Variants in CSMD1 observed in about 807,000 individuals in gnomAD.
CSMD1 encodes CUB and sushi domain-containing protein 1.
CSMD1 carries 213 observed loss-of-function variants against 417.5 expected under a neutral mutation model. The observed-to-expected ratio is 0.51, with a 90% CI of 0.46 to 0.57. CSMD1 has a LOEUF of 0.57. CSMD1 is among the 20% of genes least tolerant of loss of function. The pLI, the probability that CSMD1 is intolerant of heterozygous loss-of-function variation, is 0.00. For synonymous variants in CSMD1, 2,862 were observed against 1,736.8 expected, an observed-to-expected ratio of 1.65 and a Z score of -16.11; for missense variants, 6,923 against 4,529.7, an observed-to-expected ratio of 1.53 and a Z score of -15.17.
intron 23 of CSMD1, among the ~76,000 whole-genome samples, chr8:3,338,267 G>T (rs771062112): frequency 6.6e-6 from 1 of 152,186 alleles, no homozygotes. Context: ...TATGCCCAGG[G>T]AGTGGCTTAG....
intron 3 of CSMD1, among the ~76,000 whole-genome samples, chr8:4,157,767 G>C (rs117700184): frequency 6.6e-6 from 1 of 152,152 alleles, no homozygotes; most frequent in Non-Finnish European, 1.5e-5. Context: ...GACCTGCCTG[G>C]TCCAGCGTTC....
Position 4,193,205 on chromosome 8 carries a change from G to A in CSMD1, c.416-161106C>T, listed in dbSNP as rs180958469. 2.9e-3 allele frequency among the ~76,000 whole-genome samples: 435 copies of A among 152,026 alleles called. 2 individuals carry two copies. Among genetic ancestry groups the A allele is most frequent in the African/African-American group, 1.0e-2 (413 of 41,502 alleles). ...GCTCTTTGGAGTCATAAGCAGGGCT[G>A]AAAGCAAAGTTGTAGCTGCCACAAA... On this transcript the variant is annotated intron_variant, in intron 3 of 69. Coordinates refer to ENST00000635120, the MANE Select transcript of CSMD1 (RefSeq NM_033225.6).
intron 5 of CSMD1, among the ~76,000 whole-genome samples, chr8:3,988,533 C>A (rs780341865): frequency 6.6e-6 from 1 of 152,220 alleles, no homozygotes; most frequent in Non-Finnish European, 1.5e-5. Flanking sequence ...AACAGAGAAT[C>A]TCTGGACTCA....
intron 59 of CSMD1, among the ~76,000 whole-genome samples, chr8:2,964,287 G>A (rs546956267): frequency 6.6e-6 from 1 of 152,308 alleles, no homozygotes; most frequent in East Asian, 1.9e-4. Flanking sequence ...CCAAAAGTTG[G>A]AAATGGGTCC....
In CSMD1 at chr8:3,969,558, C is replaced by T. The variant is rs553316012; in HGVS notation, c.818+28345G>A. 2.0e-5 allele frequency among the ~76,000 whole-genome samples: 3 copies of T among 152,190 alleles called. No homozygotes were observed. In the South Asian group the frequency reaches 6.2e-4, roughly 32 times the overall value. On this transcript the variant is annotated intron_variant, in intron 5 of 69. Transcript: ENST00000635120. ...TGTAAAATGAAAATAAAATCCACAT[C>T]AGAAAATAGGTGACGGCATAATTGA...
intron 2 of CSMD1, among the ~76,000 whole-genome samples, chr8:4,505,799 G>T (rs569321586): frequency 6.6e-6 from 1 of 151,210 alleles, no homozygotes; most frequent in South Asian, 2.1e-4. Flanking sequence ...CCACACTCAT[G>T]TTCAATATTT....
At chr8:3,775,535 G>C (rs1040208282) in intron 5 of CSMD1, among the ~76,000 whole-genome samples, 8 of 152,152 alleles carry the variant, frequency 5.3e-5, no homozygotes, top group Admixed American at 3.3e-4. Flanking sequence ...ATTAAAAGCA[G>C]GGAGAACTTT....
chr8:2,953,364 T>C (rs1802766427), intron 65 of CSMD1, among the ~76,000 whole-genome samples: 1 of 151,966 alleles, frequency 6.6e-6, no homozygotes, highest in African/African-American at 2.4e-5. Context: ...TATTTTTCCT[T>C]GTCTAAGAAT....
intron 5 of CSMD1, among the ~76,000 whole-genome samples, chr8:3,755,973 T>C (rs1017631908): frequency 1.3e-5 from 2 of 152,104 alleles, no homozygotes; most frequent in Non-Finnish European, 2.9e-5. Flanking sequence ...CATACTTATT[T>C]GCCTAATACG....
At chr8:4,258,248 T>G (rs1803601461) in intron 3 of CSMD1, among the ~76,000 whole-genome samples, 1 of 141,804 alleles carries the variant, frequency 7.1e-6, no homozygotes, top group African/African-American at 2.7e-5. Flanking sequence ...CCCTACCCCT[T>G]CCTATCTTAA....
At chr8:4,468,514 A>G (rs1434772995) in intron 2 of CSMD1, among the ~76,000 whole-genome samples, 5 of 152,084 alleles carry the variant, frequency 3.3e-5, no homozygotes, top group African/African-American at 1.2e-4. Context: ...GTACTTTTCT[A>G]TTTCTTCTTA....
At chr8:4,480,723 G>C (rs1428772167) in intron 2 of CSMD1, among the ~76,000 whole-genome samples, 2 of 152,194 alleles carry the variant, frequency 1.3e-5, no homozygotes, top group East Asian at 1.9e-4. Flanking sequence ...ACCTGGTATA[G>C]AATCCACTTT....
intron 7 of CSMD1, among the ~76,000 whole-genome samples, chr8:3,627,688 G>C (rs182592698): frequency 2.8e-4 from 42 of 152,268 alleles, no homozygotes; most frequent in African/African-American, 9.6e-4. Flanking sequence ...TTTATGGTAA[G>C]CACGTTTTTA....
At chr8:4,378,349 T>C (rs886495641) in intron 3 of CSMD1, among the ~76,000 whole-genome samples, 1 of 152,232 alleles carries the variant, frequency 6.6e-6, no homozygotes, top group African/African-American at 2.4e-5. Flanking sequence ...TTAATGAATG[T>C]AGGTGGAACA....
intron 8 of CSMD1, among the ~76,000 whole-genome samples, chr8:3,587,268 G>C (rs1194545281): frequency 6.6e-6 from 1 of 152,210 alleles, no homozygotes; most frequent in African/African-American, 2.4e-5. Flanking sequence ...GCAGAGATCA[G>C]GTTTGAACAC....
intron 3 of CSMD1, among the ~76,000 whole-genome samples, chr8:4,369,248 A>G (rs565582504): frequency 1.3e-4 from 20 of 152,176 alleles, no homozygotes; most frequent in African/African-American, 4.6e-4. Flanking sequence ...ATGTAATTGT[A>G]TGGCTCTGAT....
intron 1 of CSMD1, among the ~76,000 whole-genome samples, chr8:4,730,035 A>G (rs1328949793): frequency 6.6e-6 from 1 of 152,136 alleles, no homozygotes; most frequent in Non-Finnish European, 1.5e-5. Context: ...TCCCATGTTA[A>G]TGTTTTAACT....
chr8:4,649,055 C>G (rs1364843609), intron 1 of CSMD1, among the ~76,000 whole-genome samples: 1 of 152,180 alleles, frequency 6.6e-6, no homozygotes, highest in African/African-American at 2.4e-5. Flanking sequence ...TTGTAGGCTT[C>G]AGTTGGTATA....
intron 25 of CSMD1, among the ~76,000 whole-genome samples, chr8:3,285,604 G>C (rs1584930915): frequency 6.6e-6 from 1 of 151,892 alleles, no homozygotes; most frequent in Non-Finnish European, 1.5e-5. Context: ...TCACCAAGTT[G>C]ACCAGGCTGG....
Sources: gnomAD v4.1 joint callset for allele counts (sites outside exome capture counted in the v4.1 genomes callset) on GRCh38, gnomAD v4.1.1 for gene constraint, MANE v1.5 for transcripts, NCBI Gene and HGNC (gene_info 2026-07-23, HGNC 2026-07-21) for gene names.